The following ADAMTSL3 variants were observed in gnomAD, a reference collection of about 807,000 sequenced individuals.
The protein encoded by ADAMTSL3 is ADAMTS like 3, also known as ADAMTS-like protein 3.
A neutral mutation model predicts 201.7 loss-of-function variants in ADAMTSL3; 128 were observed. The observed-to-expected ratio is 0.63, with a 90% CI of 0.55 to 0.73. The LOEUF (loss-of-function observed/expected upper bound fraction) is 0.73, where lower values mean the gene tolerates loss of function less well. Ranked by LOEUF, ADAMTSL3 falls within the 30% of genes least tolerant of loss-of-function variation. ADAMTSL3 has a pLI of 0.00. For missense variants in ADAMTSL3, 1,990 were observed against 2,119.6 expected (o/e 0.94, Z 1.20); for synonymous variants, 738 against 748.4 (o/e 0.99, Z 0.23).
chr15:83,843,998 C>A (rs1306329762), intron 7 of ADAMTSL3, among the ~76,000 whole-genome samples: 1 of 152,188 alleles, frequency 6.6e-6, no homozygotes, highest in Non-Finnish European at 1.5e-5. Context: ...GTAAAAACAA[C>A]AACAAACATA....
intron 13 of ADAMTSL3, among the ~76,000 whole-genome samples, chr15:83,894,762 T>C (rs1031502130): frequency 3.9e-5 from 6 of 152,262 alleles, no homozygotes; most frequent in African/African-American, 1.4e-4. Context: ...CATAAGGCCC[T>C]AAGTATTTAA....
In ADAMTSL3 at chr15:84,020,342, A is replaced by G. The variant is rs1468349760; in HGVS notation, c.4274-1068A>G. On this transcript the variant is annotated intron_variant, in intron 25 of 29. Coordinates refer to ENST00000286744, the MANE Select transcript of ADAMTSL3 (RefSeq NM_207517.3). ...AGTTTCCACCTCTGCAAATAAAAAT[A>G]TCAACTTCACAAGATGATCTTGAAA... 7.2e-5 allele frequency among the ~76,000 whole-genome samples: 11 copies of G among 152,346 alleles called. No homozygotes were observed. The South Asian group carries it at 1.0e-3, about 14-fold the overall frequency.
intron 10 of ADAMTSL3, among the ~76,000 whole-genome samples, chr15:83,888,633 G>A (rs923362353): frequency 2.6e-5 from 4 of 152,150 alleles, no homozygotes; most frequent in African/African-American, 9.7e-5. Flanking sequence ...TCCTAGTCCC[G>A]TCTGTAATCG....
chr15:83,948,984 C>T (rs2066710078), intron 19 of ADAMTSL3, among the ~76,000 whole-genome samples: 1 of 152,082 alleles, frequency 6.6e-6, no homozygotes. Flanking sequence ...TCCATCCCCT[C>T]AAGCATTTAT....
intron 20 of ADAMTSL3, among the ~76,000 whole-genome samples, chr15:83,971,574 A>AG (rs1555466543): frequency 2.8e-5 from 4 of 141,058 alleles, no homozygotes; most frequent in Admixed American, 1.4e-4. Context: ...AAAAAAAAAA[A>AG]AAAGAAAGAA....
chr15:83,967,832 G>C (rs957307598), intron 19 of ADAMTSL3, among the ~76,000 whole-genome samples: 4 of 152,180 alleles, frequency 2.6e-5, no homozygotes, highest in Non-Finnish European at 5.9e-5. Context: ...TACCAAAACA[G>C]ATATATAGAC....
At chr15:83,848,409 T>G (rs933399429) in intron 7 of ADAMTSL3, among the ~76,000 whole-genome samples, 1 of 152,240 alleles carries the variant, frequency 6.6e-6, no homozygotes, top group Non-Finnish European at 1.5e-5. Context: ...TTATTTCCTG[T>G]ACATCTTGCT....
At chr15:83,837,655 T>A (rs1223282811) in intron 6 of ADAMTSL3, among the ~76,000 whole-genome samples, 1 of 151,676 alleles carries the variant, frequency 6.6e-6, no homozygotes, top group Non-Finnish European at 1.5e-5. Context: ...GGCACAGGCC[T>A]GTGACTCAAC....
intron 4 of ADAMTSL3, among the ~76,000 whole-genome samples, chr15:83,778,850 G>T (rs2063121420): frequency 6.6e-6 from 1 of 152,104 alleles, no homozygotes; most frequent in Non-Finnish European, 1.5e-5. Context: ...AAGACCCATT[G>T]GTATGCTTGT....
At chr15:83,831,177 C>T (rs542910597) in intron 6 of ADAMTSL3, among the ~76,000 whole-genome samples, 4 of 152,162 alleles carry the variant, frequency 2.6e-5, no homozygotes, top group Non-Finnish European at 5.9e-5. Flanking sequence ...CCCCTCCTTT[C>T]ATAAGGACAC....
intron 16 of ADAMTSL3, among the ~76,000 whole-genome samples, chr15:83,922,710 GA>G (rs941764850): frequency 9.9e-5 from 15 of 152,132 alleles, no homozygotes; most frequent in African/African-American, 3.6e-4. Flanking sequence ...GACAGCAGGA[GA>G]AAATTTATTA....
chr15:84,033,671 CA>C (rs1176296717), intron 28 of ADAMTSL3, among the ~76,000 whole-genome samples: 1 of 151,990 alleles, frequency 6.6e-6, no homozygotes, highest in African/African-American at 2.4e-5. Context: ...AAAAACAAAC[CA>C]AAAAACAAAC....
intron 9 of ADAMTSL3, among the ~76,000 whole-genome samples, chr15:83,884,877 A>G (rs2141868913): frequency 6.6e-6 from 1 of 152,316 alleles, no homozygotes; most frequent in African/African-American, 2.4e-5. Flanking sequence ...ATTATCTGGA[A>G]AAATGACTCC....
chr15:83,678,307 T>A (rs983558244), intron 2 of ADAMTSL3, among the ~76,000 whole-genome samples: 1 of 152,098 alleles, frequency 6.6e-6, no homozygotes, highest in African/African-American at 2.4e-5. Flanking sequence ...ACACTTCTTT[T>A]ATCTCTTCTT....
intron 7 of ADAMTSL3, among the ~76,000 whole-genome samples, chr15:83,853,795 G>A (rs551652764): frequency 7.0e-4 from 107 of 152,042 alleles, no homozygotes; most frequent in African/African-American, 5.5e-4. Context: ...AAATTTTCAA[G>A]CATACATAAA....
At chr15:83,800,955 T>C (rs2063505932) in intron 4 of ADAMTSL3, among the ~76,000 whole-genome samples, 1 of 152,218 alleles carries the variant, frequency 6.6e-6, no homozygotes, top group Non-Finnish European at 1.5e-5. Flanking sequence ...GAATGACCTT[T>C]TCAATAGGCA....
intron 19 of ADAMTSL3, among the ~76,000 whole-genome samples, chr15:83,955,543 C>A (rs147524435): frequency 4.6e-5 from 7 of 152,234 alleles, no homozygotes; most frequent in Non-Finnish European, 7.4e-5. Flanking sequence ...GCCAGCATAT[C>A]TCAAAGTCTC....
At chr15:83,712,624 T>C (rs1003232572) in intron 3 of ADAMTSL3, among the ~76,000 whole-genome samples, 2 of 152,066 alleles carry the variant, frequency 1.3e-5, no homozygotes, top group South Asian at 2.1e-4. Flanking sequence ...ATCCGGGGAG[T>C]GTTCAAGAAT....
chr15:83,837,114 G>A (rs2064289201), intron 6 of ADAMTSL3, among the ~76,000 whole-genome samples: 1 of 151,928 alleles, frequency 6.6e-6, no homozygotes, highest in Non-Finnish European at 1.5e-5. Flanking sequence ...AGGAAGGATA[G>A]CAGTATAAAC....
Sources: allele counts gnomAD v4.1 joint callset (sites outside exome capture counted in the v4.1 genomes callset), GRCh38; gene constraint gnomAD v4.1.1; transcripts MANE v1.5; gene names NCBI Gene and HGNC (gene_info 2026-07-23, HGNC 2026-07-21).